Variants in ZNF875 observed in about 807,000 individuals in gnomAD.
The protein encoded by ZNF875 is HKR1, GLI-Kruppel zinc finger family member.
A neutral mutation model predicts 11.2 loss-of-function variants in ZNF875; 14 were observed. The observed-to-expected ratio is 1.26, with a 90% CI of 0.83 to 1.96. The LOEUF (loss-of-function observed/expected upper bound fraction) is 1.96. ZNF875 is among the 30% of genes most tolerant of loss of function. The pLI, the probability that ZNF875 is intolerant of heterozygous loss-of-function variation, is 0.00. For missense variants in ZNF875, 752 were observed against 760.4 expected, an observed-to-expected ratio of 0.99 and a Z score of 0.13; for synonymous variants, 301 against 281.1, an observed-to-expected ratio of 1.07 and a Z score of -0.71.
chr19:37,362,221 A>C lies in ZNF875; in HGVS notation c.369A>C (p.Leu123Phe). The C allele has an allele frequency of 6.2e-7, 1 of 1,614,156 alleles. No individual in the cohort carries two copies. Among genetic ancestry groups the C allele is most frequent in the South Asian group, 1.1e-5 (1 of 91,076 alleles). Residue 123 changes from leucine to phenylalanine, a missense_variant, in exon 5 of 5, where the codon TTA (leucine) becomes TTC (phenylalanine). By Grantham distance (22) the Leu-to-Phe change is conservative. Transcript: ENST00000392153. ...ATCTCTCTCAGCTGTTTTCAAGTTT[A>C]TGGGCAGGAAATCCTCTCCACCTGG... ...LSHLSQLFSS[L>F]WAGNPLHLGK...
At chr19:37,334,611 C>T (rs886344300), upstream of ZNF875, 13 of 450,228 alleles carry the variant, frequency 2.9e-5, no homozygotes, top group African/African-American at 1.8e-4. Context: ...TTCCGCTCCC[C>T]TCCCTACCCT....
rs1430633354 is a variant in ZNF875 at position 37,363,463 on chromosome 19, G to C, written c.1611G>C (p.Arg537Ser). ...CAGGGGAAAAGCCTTTTATGTGCAGGGAGTGTGGCAGAAGGTTTCGGCAGA... is the reference window on the plus strand; with the variant it reads ...CAGGGGAAAAGCCTTTTATGTGCAGCGAGTGTGGCAGAAGGTTTCGGCAGA... ...THSGEKPFMCRECGRRFRQKP... is the reference protein window; with the variant it reads ...THSGEKPFMCSECGRRFRQKP... The change falls in exon 5 of 5, where the codon AGG becomes AGC. Residue 537 changes from arginine (R) to serine (S), a missense_variant. Transcript: ENST00000392153. 6.2e-7 allele frequency: 1 copy of C among 1,613,710 alleles called. No individual in the cohort carries two copies. Among genetic ancestry groups the C allele is most frequent in the Non-Finnish European group, 8.5e-7 (1 of 1,179,898 alleles).
chr19:37,353,707 T>G (rs1247475386), intron 4 of ZNF875, among the ~76,000 whole-genome samples: 2 of 152,252 alleles, frequency 1.3e-5, no homozygotes, highest in East Asian at 3.8e-4. Flanking sequence ...TCTCTGGCAT[T>G]GCAGTGTCTT....
At chr19:37,326,631 A>C (rs1050526130) in intron 4 of ZNF875, among the ~76,000 whole-genome samples, 1 of 151,634 alleles carries the variant, frequency 6.6e-6, no homozygotes, top group African/African-American at 2.4e-5. Context: ...TCTTTCTTGA[A>C]AGAATTTCAA....
intron 4 of ZNF875, among the ~76,000 whole-genome samples, chr19:37,349,047 T>C (rs2037362358): frequency 6.6e-6 from 1 of 152,180 alleles, no homozygotes. Flanking sequence ...GCCTCTCCTC[T>C]AGCTTCTGGA....
At chr19:37,347,345 A>G in intron 3 of ZNF875, 29 bp downstream of exon 3, 1 of 1,599,386 alleles carries the variant, frequency 6.3e-7, no homozygotes, top group Non-Finnish European at 8.5e-7. Flanking sequence ...GGCACTTAAA[A>G]TCTGCCCTAC....
In ZNF875 at chr19:37,362,908, C is replaced by A. The variant is rs1164528789; in HGVS notation, c.1056C>A (p.Asn352Lys). The change falls in exon 5 of 5, where the codon AAC becomes AAA. Residue 352 changes from asparagine (N) to lysine (K), a missense_variant. Transcript: ENST00000392153. ...ECGQSFSLKS[N>K]LITHQRAHTG... ...GGCAGAGCTTTAGCCTGAAGTCAAA[C>A]CTCATTACCCACCAGAGGGCGCACA... 2.5e-6 allele frequency: 4 copies of A among 1,614,116 alleles called. No individual in the cohort carries two copies. The highest frequency in any genetic ancestry group is 2.5e-6 in the Non-Finnish European group (3 of 1,180,024).
At chr19:37,343,922 A>C (rs1413824022) in intron 2 of ZNF875, among the ~76,000 whole-genome samples, 1 of 152,128 alleles carries the variant, frequency 6.6e-6, no homozygotes, top group African/African-American at 2.4e-5. Context: ...ATATAAAAAG[A>C]AGTTCACAGA....
chr19:37,361,996 G>GAGAT, intron 4 of ZNF875, 113 bp from the exon 5 acceptor site: 1 of 674,090 alleles, frequency 1.5e-6, no homozygotes, highest in South Asian at 1.8e-5. Flanking sequence ...GTCTAACTGG[G>GAGAT]AGATAGCTTG....
intron 2 of ZNF875, among the ~76,000 whole-genome samples, chr19:37,322,509 G>T (rs1376045600): frequency 2.0e-5 from 3 of 152,212 alleles, no homozygotes; most frequent in African/African-American, 7.2e-5. Flanking sequence ...TCCAGTGATT[G>T]ATTTTCAGTC....
In ZNF875 at chr19:37,362,643, G is replaced by T; in HGVS notation, c.791G>T (p.Gly264Val). The change falls in exon 5 of 5, where the codon GGC (glycine) becomes GTC (valine). Residue 264 changes from glycine (G) to valine (V), a missense_variant. By Grantham distance (109) the Gly-to-Val change is moderately radical. Coordinates refer to ENST00000392153, the MANE Select transcript of ZNF875 (RefSeq NM_001353803.2). ...TACACTGAGTGGGGAGACAGCTTTG[G>T]CAGTATGTCAGTCCTCATCAAAAAC... The part of the protein sequence containing the change: ...YMYTEWGDSF[G>V]SMSVLIKNPR... 6.2e-7 allele frequency: 1 copy of T among 1,613,276 alleles called. No homozygotes were observed. Among genetic ancestry groups the T allele is most frequent in the Non-Finnish European group, 8.5e-7 (1 of 1,179,602 alleles).
intron 2 of ZNF875, among the ~76,000 whole-genome samples, chr19:37,344,316 G>T (rs1261607925): frequency 2.0e-5 from 3 of 152,096 alleles, no homozygotes; most frequent in African/African-American, 7.2e-5. Context: ...ACATTGCTGG[G>T]CTCCCCCCGC....
chr19:37,347,114 G>C (rs2036943563), intron 2 of ZNF875, 76 bp from the exon 3 acceptor site: 3 of 1,602,990 alleles, frequency 1.9e-6, no homozygotes, highest in Non-Finnish European at 2.6e-6. Flanking sequence ...ACCGGGCCTG[G>C]CCTTGACCTC....
chr19:37,334,614 C>T (rs1395516541), upstream of ZNF875: 3 of 451,366 alleles, frequency 6.6e-6, no homozygotes, highest in Admixed American at 2.4e-5. Context: ...CGCTCCCCTC[C>T]CTACCCTTCA....
chr19:37,313,686 G>A (rs1268211779), upstream of ZNF875, among the ~76,000 whole-genome samples: 3 of 151,994 alleles, frequency 2.0e-5, no homozygotes, highest in African/African-American at 4.8e-5. Flanking sequence ...TACCCCCACA[G>A]ACCTATTGAT....
chr19:37,331,229 TG>T (rs1293362297), upstream of ZNF875, among the ~76,000 whole-genome samples: 1 of 121,300 alleles, frequency 8.2e-6, no homozygotes, highest in Non-Finnish European at 1.6e-5. Context: ...AATAACTCCT[TG>T]CTTTTTTTTT....
chr19:37,363,429 G>A lies in ZNF875; in HGVS notation c.1577G>A (p.Arg526Lys). The change falls in exon 5 of 5, where the codon AGG becomes AAG. Residue 526 changes from arginine to lysine, a missense_variant. Arg to Lys is a conservative substitution (Grantham distance 26). Transcript: ENST00000392153. ...NDKSTLISHQ[R>K]THSGEKPFMC... ...AAGTCCACCCTCATTTCACACCAGA[G>A]GACACATTCAGGGGAAAAGCCTTTT... 1 of 1,614,034 alleles carries A rather than the reference G, an allele frequency of 6.2e-7. No homozygotes were observed. Among genetic ancestry groups the A allele is most frequent in the Non-Finnish European group, 8.5e-7 (1 of 1,179,868 alleles).
intron 4 of ZNF875, among the ~76,000 whole-genome samples, chr19:37,325,313 C>A (rs372728389): frequency 1.0e-3 from 153 of 152,208 alleles, no homozygotes; most frequent in African/African-American, 3.3e-3. Context: ...CTCCATCCAC[C>A]TCTATTGTGG....
chr19:37,317,707 CCA>C (rs1445595478), upstream of ZNF875, among the ~76,000 whole-genome samples: 7 of 152,214 alleles, frequency 4.6e-5, no homozygotes, highest in Non-Finnish European at 1.0e-4. Context: ...CGGGTCAGGC[CCA>C]AGCGCTTCTT....
Sources: gnomAD v4.1 joint callset for allele counts (sites outside exome capture counted in the v4.1 genomes callset) on GRCh38, gnomAD v4.1.1 for gene constraint, MANE v1.5 for transcripts, NCBI Gene and HGNC (gene_info 2026-07-23, HGNC 2026-07-21) for gene names.